Variants in ECI2 observed in about 807,000 individuals in gnomAD.
The protein encoded by ECI2 is enoyl-CoA delta isomerase 2, also known as D3,D2-enoyl-CoA isomerase.
A neutral mutation model predicts 38.4 loss-of-function variants in ECI2; 27 were observed. That is an observed-to-expected ratio of 0.70 (90% CI 0.52 to 0.97). The LOEUF is 0.97. ECI2 is among the 50% of genes least tolerant of loss of function. The probability of loss-of-function intolerance (pLI) is 0.00; values close to 1 mark genes in which losing one functional copy is unlikely to be tolerated. For synonymous variants in ECI2, 168 were observed against 172.0 expected (o/e 0.98, Z 0.18); for missense variants, 470 against 474.4 (o/e 0.99, Z 0.09).
In ECI2 at chr6:4,135,309, G is replaced by T. The variant is rs980881606; in HGVS notation, c.50+202C>A. 2.1e-6 allele frequency: 3 copies of T among 1,434,340 alleles called. No homozygotes were observed. In the Admixed American group the frequency reaches 6.8e-5, roughly 33 times the overall value. 88.9% of individuals were successfully genotyped at this position (1,434,340 alleles called of 1,614,324 possible). A position where few individuals can be genotyped will look rare whatever the true frequency, so the allele number is the denominator to read the frequency against. On this transcript the variant is annotated intron_variant, in intron 1 of 9. Transcript: ENST00000380118. ...CCTGACCTCCCGACGCGCCCATCCTGACCACTCCGGGCCCAGCGGTGCAGG... is the reference window on the plus strand; with the variant it reads ...CCTGACCTCCCGACGCGCCCATCCTTACCACTCCGGGCCCAGCGGTGCAGG...
chr6:4,126,432 A>G (rs528453630), intron 5 of ECI2, among the ~76,000 whole-genome samples, 195 bp from the exon 6 acceptor site: 3 of 152,328 alleles, frequency 2.0e-5, no homozygotes, highest in Non-Finnish European at 4.4e-5. Context: ...AGCTAATGCT[A>G]CTGTTGAAAT....
chr6:4,119,037 G>T, intron 8 of ECI2, 149 bp downstream of exon 8: 1 of 637,190 alleles, frequency 1.6e-6, no homozygotes, highest in Non-Finnish European at 2.6e-6. Flanking sequence ...TTCCTCCATT[G>T]GTAAAACTCT....
chr6:4,130,636 C>G (rs763765513), intron 3 of ECI2, 76 bp from the exon 4 acceptor site: 4 of 1,608,970 alleles, frequency 2.5e-6, no homozygotes, highest in Non-Finnish European at 3.4e-6. Context: ...ATACTAATAA[C>G]TAACACCTTG....
At chr6:4,122,087 A>C in intron 7 of ECI2, 2 of 1,255,114 alleles carry the variant, frequency 1.6e-6, no homozygotes, top group Non-Finnish European at 2.3e-6. Context: ...TAAAATGCTG[A>C]TTTTCAGAAA....
intron 7 of ECI2, among the ~76,000 whole-genome samples, chr6:4,123,378 T>C (rs570088689): frequency 1.8e-3 from 279 of 151,752 alleles, no homozygotes; most frequent in Non-Finnish European, 2.9e-3. Flanking sequence ...TGTTTCACCA[T>C]GTTGGCCAGG....
At chr6:4,132,417 A>G (rs112638889) in intron 2 of ECI2, among the ~76,000 whole-genome samples, 2,532 of 152,132 alleles carry the variant, frequency 0.017, 62 homozygotes, top group African/African-American at 0.058. Context: ...CATCGTTAAG[A>G]CAATCCAGGC....
At chr6:4,134,076 G>A (rs751535408) in intron 1 of ECI2, among the ~76,000 whole-genome samples, 6 of 152,356 alleles carry the variant, frequency 3.9e-5, no homozygotes, top group Non-Finnish European at 8.8e-5. Flanking sequence ...AAAGTGCACA[G>A]AATTTAGTGA....
intron 6 of ECI2, 195 bp downstream of exon 6, chr6:4,125,940 C>G (rs1773123308): frequency 1.5e-6 from 1 of 680,664 alleles, no homozygotes; most frequent in Non-Finnish European, 2.7e-6. Context: ...GCAGGATGAA[C>G]AGGTAACAGA....
At chr6:4,117,279 G>A (rs1365748933) in intron 9 of ECI2, 29 bp downstream of exon 9, 2 of 1,565,478 alleles carry the variant, frequency 1.3e-6, no homozygotes, top group Non-Finnish European at 1.7e-6. Context: ...CATTTTCAAG[G>A]TTCTTAGAAG....
intron 4 of ECI2, among the ~76,000 whole-genome samples, chr6:4,129,952 C>T (rs1211100275): frequency 6.6e-6 from 1 of 151,944 alleles, no homozygotes; most frequent in Non-Finnish European, 1.5e-5. Context: ...AAGATGAAGT[C>T]CTTCTCTCCT....
In ECI2 at chr6:4,126,251, A is replaced by C. The variant is rs762905516; in HGVS notation, c.572-14T>G. 12 of 1,594,372 alleles carry C rather than the reference A, an allele frequency of 7.5e-6. No homozygotes were observed. The highest frequency in any genetic ancestry group is 1.0e-5 in the Non-Finnish European group (12 of 1,165,952). ...AGTCACCATTTCCTATAAGTAAGAA[A>C]ATCAACAGATCCCTCATTCAATCAT... On this transcript the variant is annotated splice_polypyrimidine_tract_variant and intron_variant, in intron 5 of 9. Transcript: ENST00000380118.
Position 4,126,145 on chromosome 6 carries a change from C to T in ECI2, c.664G>A (p.Val222Ile), listed in dbSNP as rs150462171. The change falls in exon 6 of 10, where the codon GTT (valine) becomes ATT (isoleucine). Residue 222 changes from valine to isoleucine, a missense_variant. Coordinates refer to ENST00000380118, the MANE Select transcript of ECI2 (RefSeq NM_206836.3). ...GVEEKAKNNA[V>I]LLREFVGCFI... ...GTCAGTAACTCTTACCTCAGTAAAACGGCATTATTTTTAGCTTTCTCCTCT... is the reference window on the plus strand; with the variant it reads ...GTCAGTAACTCTTACCTCAGTAAAATGGCATTATTTTTAGCTTTCTCCTCT... 726 of 1,613,336 alleles carry T rather than the reference C, an allele frequency of 4.5e-4. 10 individuals are homozygous for T. In the East Asian group the frequency reaches 0.015, roughly 34 times the overall value.
At chr6:4,120,694 T>C (rs7759580) in intron 7 of ECI2, among the ~76,000 whole-genome samples, 3,402 of 150,684 alleles carry the variant, frequency 0.023, 142 homozygotes, top group African/African-American at 0.079. Flanking sequence ...GCCACTGTAC[T>C]CCAGCCTGGA....
chr6:4,133,121 C>T (rs1308246884), intron 2 of ECI2, among the ~76,000 whole-genome samples: 1 of 152,088 alleles, frequency 6.6e-6, no homozygotes, highest in Non-Finnish European at 1.5e-5. Context: ...CTATTTCACC[C>T]CTATATCCTT....
intron 8 of ECI2, chr6:4,118,818 G>A (rs758024303): frequency 2.9e-5 from 5 of 170,970 alleles, no homozygotes; most frequent in African/African-American, 4.8e-5. Flanking sequence ...TAAAGGAACC[G>A]AGTGGCCTCC....
At chr6:4,123,875 C>T (rs568699081) in intron 7 of ECI2, among the ~76,000 whole-genome samples, 3 of 151,874 alleles carry the variant, frequency 2.0e-5, no homozygotes, top group South Asian at 4.1e-4. Context: ...GTGGGAGAAT[C>T]GCTTGAACCC....
At position 4,119,178 on chromosome 6, in the gene ECI2, A is replaced by G. The variant is rs1772494054; in HGVS notation, c.885+8T>C. 6.2e-7 allele frequency: 1 copy of G among 1,608,664 alleles called. No homozygotes were observed. Among genetic ancestry groups the G allele is most frequent in the Non-Finnish European group, 8.5e-7 (1 of 1,177,616 alleles). ...TAAAATTTTATATTTAAACATTCCA[A>G]AAGTTACCTTGGCTGGGCTCATTAT... On this transcript the variant is annotated splice_region_variant and intron_variant, in intron 8 of 9. Transcript: ENST00000380118.
At chr6:4,126,874 T>C (rs1773196984) in intron 5 of ECI2, among the ~76,000 whole-genome samples, 1 of 152,044 alleles carries the variant, frequency 6.6e-6, no homozygotes, top group African/African-American at 2.4e-5. Context: ...TTTAGATGAG[T>C]TTTAATAATT....
intron 7 of ECI2, among the ~76,000 whole-genome samples, 194 bp from the exon 8 acceptor site, chr6:4,119,469 C>T (rs1772533732): frequency 6.6e-6 from 1 of 152,046 alleles, no homozygotes; most frequent in African/African-American, 2.4e-5. Flanking sequence ...TACAGGCATG[C>T]GCTGCCATGC....
Sources: gnomAD v4.1 joint callset for allele counts (sites outside exome capture counted in the v4.1 genomes callset) on GRCh38, gnomAD v4.1.1 for gene constraint, MANE v1.5 for transcripts, NCBI Gene and HGNC (gene_info 2026-07-23, HGNC 2026-07-21) for gene names.